The following DLGAP4 variants were observed in gnomAD, a reference collection of about 807,000 sequenced individuals.
DLGAP4 encodes the protein DLG associated protein 4, also known as disks large-associated protein 4.
DLGAP4 carries 18 observed loss-of-function variants against 86.9 expected under a neutral mutation model. The observed-to-expected ratio is 0.21, with a 90% CI of 0.14 to 0.31. The LOEUF is 0.31. DLGAP4 is among the 10% of genes least tolerant of loss of function. The pLI, the probability that DLGAP4 is intolerant of heterozygous loss-of-function variation, is 1.00. For synonymous variants in DLGAP4, 548 were observed against 574.3 expected, an observed-to-expected ratio of 0.95 and a Z score of 0.65; for missense variants, 1,085 against 1,362.6, an observed-to-expected ratio of 0.80 and a Z score of 3.21.
At chr20:36,481,661 C>G (rs764417634) in intron 7 of DLGAP4, among the ~76,000 whole-genome samples, 1 of 152,176 alleles carries the variant, frequency 6.6e-6, no homozygotes, top group Non-Finnish European at 1.5e-5. Flanking sequence ...TAGTGGCTGG[C>G]ACTGTGCATG....
chr20:36,476,529 A>G (rs947716831), intron 7 of DLGAP4, among the ~76,000 whole-genome samples: 6 of 150,530 alleles, frequency 4.0e-5, no homozygotes, highest in East Asian at 2.0e-4. Context: ...GGGTTTCACC[A>G]TGTTGGTCAG....
chr20:36,521,304 A>G (rs2147855512), intron 10 of DLGAP4, among the ~76,000 whole-genome samples: 1 of 152,222 alleles, frequency 6.6e-6, no homozygotes, highest in East Asian at 1.9e-4. Context: ...CCCCTTTTAG[A>G]ACTCTGATAG....
chr20:36,461,618 C>G, intron 7 of DLGAP4: 2 of 939,892 alleles, frequency 2.1e-6, no homozygotes, highest in African/African-American at 3.6e-5. Context: ...CCGCCCAGCG[C>G]CGCCCGGAGC....
chr20:36,499,756 C>A, intron 9 of DLGAP4, 80 bp downstream of exon 9: 2 of 1,343,082 alleles, frequency 1.5e-6, no homozygotes, highest in Non-Finnish European at 1.0e-6. Context: ...TCTCCCTAAC[C>A]CACTTCTCCT....
At chr20:36,400,511 T>C (rs956622707) in intron 2 of DLGAP4, among the ~76,000 whole-genome samples, 2 of 152,178 alleles carry the variant, frequency 1.3e-5, no homozygotes, top group Non-Finnish European at 2.9e-5. Context: ...CGTGTGTAGG[T>C]AGGTAATATG....
At chr20:36,485,055 C>T (rs2035350307) in intron 7 of DLGAP4, among the ~76,000 whole-genome samples, 1 of 152,078 alleles carries the variant, frequency 6.6e-6, no homozygotes, top group Non-Finnish European at 1.5e-5. Context: ...GGATATCCAT[C>T]ACCTTAAACA....
chr20:36,352,872 G>A (rs1430155683), intron 1 of DLGAP4, among the ~76,000 whole-genome samples: 2 of 152,100 alleles, frequency 1.3e-5, no homozygotes, highest in African/African-American at 4.8e-5. Context: ...TGAAAGTCTA[G>A]ATGTTGGTCT....
intron 11 of DLGAP4, chr20:36,525,429 G>A (rs2037689314): frequency 4.0e-6 from 1 of 249,846 alleles, no homozygotes; most frequent in Non-Finnish European, 8.0e-6. Context: ...GACCTACAGA[G>A]ACTTGGGGGT....
intron 10 of DLGAP4, among the ~76,000 whole-genome samples, chr20:36,518,200 C>T (rs2037155087): frequency 6.8e-6 from 1 of 147,098 alleles, no homozygotes; most frequent in Non-Finnish European, 1.5e-5. Flanking sequence ...CCAGCCTGGG[C>T]AACAAAACAA....
At chr20:36,484,377 C>T (rs1400594329) in intron 7 of DLGAP4, among the ~76,000 whole-genome samples, 1 of 152,220 alleles carries the variant, frequency 6.6e-6, no homozygotes, top group Non-Finnish European at 1.5e-5. Context: ...GTGACCCCAA[C>T]ATGTCAGGAA....
intron 1 of DLGAP4, among the ~76,000 whole-genome samples, chr20:36,346,544 G>A (rs145918338): frequency 1.1e-4 from 17 of 152,278 alleles, no homozygotes; most frequent in African/African-American, 1.7e-4. Flanking sequence ...GTGCAGGCAG[G>A]AAAAACAGGT....
chr20:36,318,321 C>T (rs2065131621), intron 1 of DLGAP4, among the ~76,000 whole-genome samples: 1 of 152,158 alleles, frequency 6.6e-6, no homozygotes, highest in Non-Finnish European at 1.5e-5. Flanking sequence ...CCACTGTCCT[C>T]ACAGGAGCGG....
chr20:36,407,742 G>A (rs2032366493), intron 2 of DLGAP4, among the ~76,000 whole-genome samples: 1 of 152,118 alleles, frequency 6.6e-6, no homozygotes, highest in African/African-American at 2.4e-5. Flanking sequence ...CAGGGGAGGA[G>A]AAGGCCAACC....
intron 2 of DLGAP4, among the ~76,000 whole-genome samples, chr20:36,413,484 C>T (rs1236986482): frequency 4.0e-5 from 5 of 124,058 alleles, no homozygotes; most frequent in African/African-American, 1.6e-4. Context: ...GTGGCATGAT[C>T]TCAGCTCACT....
At chr20:36,474,369 C>G (rs2034814665) in intron 7 of DLGAP4, among the ~76,000 whole-genome samples, 1 of 152,158 alleles carries the variant, frequency 6.6e-6, no homozygotes, top group East Asian at 1.9e-4. Context: ...TCAGGAAACC[C>G]AAGATCAGGC....
intron 7 of DLGAP4, among the ~76,000 whole-genome samples, chr20:36,475,572 C>T (rs890711891): frequency 2.6e-5 from 4 of 152,130 alleles, no homozygotes; most frequent in African/African-American, 9.7e-5. Flanking sequence ...TCCATTACTG[C>T]CTTTGTACAC....
intron 1 of DLGAP4, among the ~76,000 whole-genome samples, chr20:36,343,637 G>A (rs554855324): frequency 4.0e-4 from 61 of 152,066 alleles, no homozygotes; most frequent in Admixed American, 2.7e-3. Flanking sequence ...CCAACCCCCC[G>A]TTGGGTGAAT....
chr20:36,440,991 GGGTAGA>G (rs1452140510), intron 5 of DLGAP4, among the ~76,000 whole-genome samples: 6 of 152,086 alleles, frequency 3.9e-5, no homozygotes, highest in African/African-American at 1.4e-4. Flanking sequence ...ACATGGGGAG[GGGTAGA>G]GTGCCGCAGC....
At chr20:36,446,452 T>C (rs2033593654) in intron 6 of DLGAP4, among the ~76,000 whole-genome samples, 2 of 152,212 alleles carry the variant, frequency 1.3e-5, no homozygotes, top group Non-Finnish European at 2.9e-5. Context: ...TCACAGTTAA[T>C]ATCCTGAGAT....
Sources: gnomAD v4.1 joint callset for allele counts (sites outside exome capture counted in the v4.1 genomes callset) on GRCh38, gnomAD v4.1.1 for gene constraint, MANE v1.5 for transcripts, NCBI Gene and HGNC (gene_info 2026-07-23, HGNC 2026-07-21) for gene names.